MDGA2: variants seen among roughly 807,000 people sequenced by gnomAD.
MDGA2 encodes the protein MAM domain containing glycosylphosphatidylinositol anchor 2, also known as MAM domain-containing glycosylphosphatidylinositol anchor protein 2.
Under a neutral mutation model 117.8 loss-of-function variants are expected in MDGA2, and 40 were observed. That is an observed-to-expected ratio of 0.34 (90% CI 0.26 to 0.44). The LOEUF is 0.44. Ranked by LOEUF, MDGA2 falls within the 20% of genes least tolerant of loss-of-function variation. MDGA2 has a pLI of 1.00. For synonymous variants in MDGA2, 452 were observed against 439.0 expected, an observed-to-expected ratio of 1.03 and a Z score of -0.37; for missense variants, 1,123 against 1,250.6, an observed-to-expected ratio of 0.90 and a Z score of 1.54.
At chr14:47,178,149 A>G (rs1884551891) in intron 3 of MDGA2, among the ~76,000 whole-genome samples, 1 of 152,168 alleles carries the variant, frequency 6.6e-6, no homozygotes, top group South Asian at 2.1e-4. Context: ...AAAAAAAGTT[A>G]AAGGCATTAA....
intron 1 of MDGA2, among the ~76,000 whole-genome samples, chr14:47,493,551 C>G (rs1428463901): frequency 6.6e-6 from 1 of 151,864 alleles, no homozygotes; most frequent in Non-Finnish European, 1.5e-5. Context: ...CTCCTGACCT[C>G]AAATGATCCA....
At chr14:47,207,659 A>G (rs973126377) in intron 3 of MDGA2, among the ~76,000 whole-genome samples, 3 of 152,006 alleles carry the variant, frequency 2.0e-5, no homozygotes, top group African/African-American at 7.2e-5. Flanking sequence ...GACACCTGAA[A>G]ACGTTTGAAA....
In MDGA2 at chr14:47,221,941, A is replaced by AT. The variant is rs557901118; in HGVS notation, c.421-3747dup. ...CCCATTGACAATTTCATCTCCTCGA[A>AT]TTTTTTTTGTGGTGAAACATTTAAA... On this transcript the variant is annotated intron_variant, in intron 2 of 16. Coordinates refer to ENST00000399232, the MANE Select transcript of MDGA2 (RefSeq NM_001113498.3). Among the ~76,000 whole-genome samples, 127 of 151,646 alleles carry AT rather than the reference A, an allele frequency of 8.4e-4. 1 individual carries two copies. Among genetic ancestry groups the AT allele is most frequent in the African/African-American group, 2.9e-3 (120 of 41,414 alleles).
chr14:47,433,898 A>G (rs2138532319), intron 1 of MDGA2, among the ~76,000 whole-genome samples: 1 of 152,284 alleles, frequency 6.6e-6, no homozygotes, highest in African/African-American at 2.4e-5. Context: ...AACAATTATC[A>G]GTCATTGTAA....
chr14:47,505,368 C>T (rs4900776), intron 1 of MDGA2, among the ~76,000 whole-genome samples: 66,702 of 151,834 alleles, frequency 0.44, 15,114 homozygotes, highest in East Asian at 0.61. Context: ...ATGTTCTCAC[C>T]GCAAAAAAAT....
chr14:47,015,798 G>C (rs1425058384), intron 8 of MDGA2, among the ~76,000 whole-genome samples: 3 of 152,032 alleles, frequency 2.0e-5, no homozygotes, highest in Non-Finnish European at 4.4e-5. Context: ...AGAAGTCTGA[G>C]AAAGATACTG....
At chr14:47,503,133 T>C (rs1329176006) in intron 1 of MDGA2, among the ~76,000 whole-genome samples, 1 of 152,216 alleles carries the variant, frequency 6.6e-6, no homozygotes, top group Non-Finnish European at 1.5e-5. Flanking sequence ...CATTATAGTA[T>C]GGACTGCAAT....
chr14:47,381,014 G>T (rs148249934), intron 1 of MDGA2, among the ~76,000 whole-genome samples: 2,216 of 152,156 alleles, frequency 0.015, 57 homozygotes, highest in East Asian at 0.11. Flanking sequence ...TATCCACTAC[G>T]ATCAAGTTGG....
At chr14:47,107,191 A>G (rs372669539) in intron 5 of MDGA2, among the ~76,000 whole-genome samples, 67 of 150,662 alleles carry the variant, frequency 4.4e-4, no homozygotes, top group Admixed American at 9.9e-4. Context: ...CCCGCAGCAC[A>G]CTTTAAAAAG....
At chr14:46,874,390 G>T (rs1329160837) in intron 12 of MDGA2, among the ~76,000 whole-genome samples, 190 bp from the exon 13 acceptor site, 4 of 151,612 alleles carry the variant, frequency 2.6e-5, no homozygotes, top group East Asian at 3.9e-4. Context: ...AAAAGTAAAA[G>T]AATTTTACAT....
intron 5 of MDGA2, among the ~76,000 whole-genome samples, chr14:47,112,229 C>T (rs954687252): frequency 7.2e-5 from 11 of 152,006 alleles, no homozygotes; most frequent in African/African-American, 2.4e-4. Flanking sequence ...TTTGCTTATG[C>T]TTTTTTAAAA....
intron 6 of MDGA2, among the ~76,000 whole-genome samples, chr14:47,085,337 C>T (rs1179252657): frequency 6.6e-6 from 1 of 152,034 alleles, no homozygotes; most frequent in Non-Finnish European, 1.5e-5. Context: ...ACATGTACAA[C>T]AATCAAGAAA....
intron 2 of MDGA2, among the ~76,000 whole-genome samples, chr14:47,275,835 G>C (rs183695349): frequency 1.2e-4 from 18 of 152,202 alleles, no homozygotes; most frequent in Admixed American, 8.5e-4. Context: ...TTCTGCATGA[G>C]AGCAGCCTGC....
At chr14:47,038,802 C>T (rs1029903183) in intron 7 of MDGA2, among the ~76,000 whole-genome samples, 5 of 151,418 alleles carry the variant, frequency 3.3e-5, no homozygotes, top group Non-Finnish European at 5.9e-5. Flanking sequence ...ATTAGTCGGG[C>T]GTGGCAGTGG....
At chr14:47,379,002 A>T (rs1891545781) in intron 1 of MDGA2, among the ~76,000 whole-genome samples, 1 of 152,246 alleles carries the variant, frequency 6.6e-6, no homozygotes, top group Non-Finnish European at 1.5e-5. Flanking sequence ...AGCCCATCAG[A>T]CTAACAGCGG....
At chr14:46,950,682 A>T (rs2138610524) in intron 9 of MDGA2, among the ~76,000 whole-genome samples, 1 of 151,942 alleles carries the variant, frequency 6.6e-6, no homozygotes, top group East Asian at 1.9e-4. Context: ...ATTATTTTTC[A>T]TTTTCAAAGT....
At chr14:47,272,988 C>T (rs1437193576) in intron 2 of MDGA2, among the ~76,000 whole-genome samples, 1 of 152,108 alleles carries the variant, frequency 6.6e-6, no homozygotes, top group Non-Finnish European at 1.5e-5. Context: ...TGATTTTTTA[C>T]TCTAAGGAGC....
At chr14:47,039,470 C>A (rs1048788442) in intron 7 of MDGA2, among the ~76,000 whole-genome samples, 2 of 152,168 alleles carry the variant, frequency 1.3e-5, no homozygotes, top group African/African-American at 4.8e-5. Flanking sequence ...TAGAAGTCAT[C>A]ATTTTATCTT....
rs190773289 is a variant in MDGA2 at position 47,588,192 on chromosome 14, A to T, written c.280+86325T>A. 2.0e-5 allele frequency among the ~76,000 whole-genome samples: 3 copies of T among 148,668 alleles called. No individual in the cohort carries two copies. The East Asian group carries it at 5.8e-4, about 29-fold the overall frequency. ...AATGCTGTCATGAACAGTCATATAC[A>T]AATTTTGTGTAAAACTATATTTTCA... On this transcript the variant is annotated intron_variant, in intron 1 of 16. Transcript: ENST00000399232.
Sources: gnomAD v4.1 joint callset for allele counts (sites outside exome capture counted in the v4.1 genomes callset) on GRCh38, gnomAD v4.1.1 for gene constraint, MANE v1.5 for transcripts, NCBI Gene and HGNC (gene_info 2026-07-23, HGNC 2026-07-21) for gene names.